PRKCQ: variants seen among roughly 807,000 people sequenced by gnomAD.
PRKCQ encodes the protein protein kinase C theta, also known as protein kinase C theta type.
In PRKCQ, 41 loss-of-function variants were observed where a neutral mutation model predicts 91.2. The ratio of observed to expected loss-of-function variants is 0.45; its 90% CI spans 0.35 to 0.58. The LOEUF is 0.58. Among genes scored for constraint, PRKCQ ranks in the 20% least tolerant of loss-of-function variants. The pLI is 0.00. For missense variants in PRKCQ, 673 were observed against 896.5 expected, an observed-to-expected ratio of 0.75 and a Z score of 3.18; for synonymous variants, 307 against 316.9, an observed-to-expected ratio of 0.97 and a Z score of 0.33.
At chr10:6,498,948 C>T (rs1837763759) in intron 4 of PRKCQ, among the ~76,000 whole-genome samples, 1 of 152,174 alleles carries the variant, frequency 6.6e-6, no homozygotes, top group South Asian at 2.1e-4. Flanking sequence ...GTGGCAAAGG[C>T]TTTCCTGTCT....
At chr10:6,482,901 G>C (rs1191828513) in intron 11 of PRKCQ, among the ~76,000 whole-genome samples, 1 of 152,070 alleles carries the variant, frequency 6.6e-6, no homozygotes, top group East Asian at 1.9e-4. Context: ...CCATCCCCAT[G>C]ATTCAATCAC....
intron 8 of PRKCQ, 115 bp from the exon 9 acceptor site, chr10:6,486,259 C>A: frequency 2.4e-6 from 2 of 818,874 alleles, no homozygotes; most frequent in South Asian, 1.5e-5. Flanking sequence ...TAAAGTGCCA[C>A]GGCTGGGAGG....
Position 6,430,154 on chromosome 10 carries a change from C to T in PRKCQ, c.1965+656G>A, listed in dbSNP as rs889283557. On this transcript the variant is annotated intron_variant, in intron 17 of 17. Coordinates refer to ENST00000263125, the MANE Select transcript of PRKCQ (RefSeq NM_006257.5). The surrounding 1 kb of genome is among the most constrained non-coding windows in gnomAD (Gnocchi z 4.7). Reference sequence around the variant, plus strand: ...ACAGGCGTGAGCCACCATGCCCAGCCCAACCTTGCTTTATTTTTGACTTCA... The same window carrying T: ...ACAGGCGTGAGCCACCATGCCCAGCTCAACCTTGCTTTATTTTTGACTTCA... Among the ~76,000 whole-genome samples, 1 of 152,164 alleles carries T rather than the reference C, an allele frequency of 6.6e-6. No individual in the cohort carries two copies. Among genetic ancestry groups the T allele is most frequent in the Non-Finnish European group, 1.5e-5 (1 of 68,036 alleles).
rs199903878 is a variant in PRKCQ at position 6,441,212 on chromosome 10, TA to T, written c.1836+680del. On this transcript the variant is annotated intron_variant, in intron 16 of 17. Transcript: ENST00000263125. ...ATGGGAAACAAAAGACTGAGTAAAA[TA>T]AAAAAAAACCCTCTATATAACATAA... is the stretch of plus-strand genomic sequence containing the variant. 1.1e-4 allele frequency among the ~76,000 whole-genome samples: 17 copies of T among 151,074 alleles called. No homozygotes were observed. In the South Asian group the frequency reaches 2.7e-3, roughly 24 times the overall value.
chr10:6,510,332 T>C (rs1838406942), intron 3 of PRKCQ, among the ~76,000 whole-genome samples: 1 of 152,194 alleles, frequency 6.6e-6, no homozygotes, highest in South Asian at 2.1e-4. Context: ...CTAAGATGAA[T>C]TGTGTATGAT....
At chr10:6,508,472 C>G (rs184218196) in intron 3 of PRKCQ, among the ~76,000 whole-genome samples, 1 of 152,324 alleles carries the variant, frequency 6.6e-6, no homozygotes, top group Non-Finnish European at 1.5e-5. Context: ...TGGGAAATCT[C>G]TGAAAAACAG....
intron 15 of PRKCQ, among the ~76,000 whole-genome samples, chr10:6,447,575 G>A (rs1201237724): frequency 6.6e-6 from 1 of 152,174 alleles, no homozygotes; most frequent in Non-Finnish European, 1.5e-5. Flanking sequence ...AGGAGGTGCA[G>A]CCTAGTGAGA....
chr10:6,499,756 G>A (rs1837802671), intron 4 of PRKCQ, among the ~76,000 whole-genome samples: 1 of 152,160 alleles, frequency 6.6e-6, no homozygotes, highest in South Asian at 2.1e-4. Flanking sequence ...CTTCTATTGT[G>A]GCTAAGCAGT....
the PRKCQ span, among the ~76,000 whole-genome samples, chr10:6,421,729 CAAAT>C: frequency 6.6e-6 from 1 of 152,204 alleles, no homozygotes; most frequent in Non-Finnish European, 1.5e-5. This position sits in a 1 kb window ranked among gnomAD's most constrained non-coding sequence, Gnocchi z 4.1. Flanking sequence ...GCATTTTTGA[CAAAT>C]GAAGGTTGAA....
At chr10:6,577,403 G>A (rs1841283563) in intron 1 of PRKCQ, among the ~76,000 whole-genome samples, 1 of 152,110 alleles carries the variant, frequency 6.6e-6, no homozygotes, top group Admixed American at 6.5e-5. Context: ...ATTGGAATAG[G>A]TATGAAAAAG....
intron 1 of PRKCQ, among the ~76,000 whole-genome samples, chr10:6,561,029 A>G (rs1204599278): frequency 9.6e-6 from 1 of 104,196 alleles, no homozygotes; most frequent in Non-Finnish European, 2.0e-5. Flanking sequence ...ACAGAGGGAG[A>G]CTCCATTTCA....
intron 8 of PRKCQ, chr10:6,489,590 A>T (rs4750528): frequency 2.3e-6 from 1 of 428,182 alleles, no homozygotes. Flanking sequence ...AGAGGGCGAG[A>T]AGAGTCGAGA....
At chr10:6,400,749 T>C in the PRKCQ span, among the ~76,000 whole-genome samples, 3 of 148,298 alleles carry the variant, frequency 2.0e-5, no homozygotes, top group Admixed American at 6.7e-5. Flanking sequence ...CCAGCTGGCA[T>C]GCACCTACAG....
intron 7 of PRKCQ, among the ~76,000 whole-genome samples, chr10:6,496,407 A>T (rs1164973560): frequency 1.3e-5 from 2 of 152,058 alleles, no homozygotes; most frequent in African/African-American, 4.8e-5. Flanking sequence ...TAAAAGAAAT[A>T]TTTGCTTCTC....
intron 15 of PRKCQ, among the ~76,000 whole-genome samples, chr10:6,443,659 G>A (rs537523821): frequency 2.6e-5 from 4 of 152,212 alleles, no homozygotes; most frequent in Non-Finnish European, 5.9e-5. Context: ...AGAGGGTAGG[G>A]AGGAGGGATA....
intron 7 of PRKCQ, among the ~76,000 whole-genome samples, chr10:6,492,460 G>A (rs866264985): frequency 9.9e-5 from 15 of 152,038 alleles, no homozygotes; most frequent in Admixed American, 5.2e-4. Context: ...TTTTGAAGTC[G>A]CTTCTATTAG....
intron 7 of PRKCQ, among the ~76,000 whole-genome samples, chr10:6,492,272 A>G (rs901256436): frequency 7.2e-5 from 11 of 152,118 alleles, no homozygotes; most frequent in Admixed American, 5.2e-4. Flanking sequence ...TCTTTAAAGG[A>G]AACATTTCTA....
intron 16 of PRKCQ, among the ~76,000 whole-genome samples, chr10:6,437,252 G>T (rs1011334367): frequency 6.6e-6 from 1 of 152,138 alleles, no homozygotes; most frequent in Admixed American, 6.5e-5. Context: ...GAGATAATTC[G>T]GGTTAAATGA....
intron 15 of PRKCQ, among the ~76,000 whole-genome samples, chr10:6,454,227 T>A (rs1834885138): frequency 6.6e-6 from 1 of 152,194 alleles, no homozygotes; most frequent in Admixed American, 6.6e-5. Context: ...ATCTTGGGGA[T>A]GCTTTTCTAA....
Sources: allele counts gnomAD v4.1 joint callset (sites outside exome capture counted in the v4.1 genomes callset), GRCh38; gene constraint gnomAD v4.1.1; non-coding constraint Gnocchi (gnomAD v3.1); transcripts MANE v1.5; gene names NCBI Gene and HGNC (gene_info 2026-07-23, HGNC 2026-07-21).